Variants in NCAM2 observed in about 807,000 individuals in gnomAD.
NCAM2 encodes N-CAM-2.
In NCAM2, 30 loss-of-function variants were observed where a neutral mutation model predicts 98.1. That is an observed-to-expected ratio of 0.31 (90% CI 0.23 to 0.41). The LOEUF is 0.41. Among genes scored for constraint, NCAM2 ranks in the 10% least tolerant of loss-of-function variants. NCAM2 has a pLI of 1.00. For synonymous variants in NCAM2, 368 were observed against 342.4 expected (o/e 1.07, Z -0.83); for missense variants, 867 against 1,005.8 (o/e 0.86, Z 1.87).
chr21:21,472,686 A>G (rs942842346), intron 14 of NCAM2, among the ~76,000 whole-genome samples: 10 of 151,918 alleles, frequency 6.6e-5, no homozygotes, highest in African/African-American at 2.2e-4. Context: ...ATGAGAAATA[A>G]GAAACACAAG....
At chr21:21,408,287 G>A (rs951003827) in intron 9 of NCAM2, among the ~76,000 whole-genome samples, 4 of 152,256 alleles carry the variant, frequency 2.6e-5, no homozygotes, top group South Asian at 2.1e-4. Context: ...GGTATATGCC[G>A]AGCTAATGGA....
At chr21:21,437,807 T>A (rs908340098) in intron 12 of NCAM2, among the ~76,000 whole-genome samples, 4 of 152,136 alleles carry the variant, frequency 2.6e-5, no homozygotes, top group African/African-American at 9.7e-5. Context: ...GAAAAGATTT[T>A]CGAAAATGAT....
At chr21:21,337,382 G>A (rs34645350) in intron 7 of NCAM2, among the ~76,000 whole-genome samples, 26,006 of 151,958 alleles carry the variant, frequency 0.17, 2,592 homozygotes, top group East Asian at 0.25. Context: ...ACACAAAATT[G>A]TATGCATATT....
intron 10 of NCAM2, among the ~76,000 whole-genome samples, chr21:21,414,266 C>T (rs1347490720): frequency 6.6e-6 from 1 of 152,130 alleles, no homozygotes; most frequent in East Asian, 1.9e-4. Context: ...TCAAAGTCAT[C>T]CATGAGGGTT....
chr21:21,206,374 T>C (rs892895946), intron 1 of NCAM2, among the ~76,000 whole-genome samples: 1 of 152,146 alleles, frequency 6.6e-6, no homozygotes, highest in Non-Finnish European at 1.5e-5. Flanking sequence ...TTATTTAAAT[T>C]AGTTGTGTAT....
chr21:21,087,085 T>C (rs2065920613), intron 1 of NCAM2, among the ~76,000 whole-genome samples: 3 of 151,996 alleles, frequency 2.0e-5, no homozygotes, highest in African/African-American at 7.3e-5. Flanking sequence ...TGTGCGTGTG[T>C]GTGTGTGTGT....
rs1423156929 is a variant in NCAM2, at chr21:21,542,224, T to C, written c.*4267T>C. 6.6e-6 allele frequency: 1 copy of C among 151,804 alleles called. No individual in the cohort carries two copies. The highest frequency in any genetic ancestry group is 2.4e-5 in the African/African-American group (1 of 41,414). 9.4% of individuals were successfully genotyped at this position (151,804 alleles called of 1,614,324 possible). ...TTTTCTTCCAGCTCCCATCCTTCCTTTTTGAAAAATTGAATTTACCCATGT... is the reference window on the plus strand; with the variant it reads ...TTTTCTTCCAGCTCCCATCCTTCCTCTTTGAAAAATTGAATTTACCCATGT... On this transcript the variant is annotated 3_prime_UTR_variant, in exon 18 of 18. Transcript: ENST00000400546.
At chr21:21,095,489 T>A (rs537490708) in intron 1 of NCAM2, among the ~76,000 whole-genome samples, 10 of 149,130 alleles carry the variant, frequency 6.7e-5, no homozygotes, top group African/African-American at 2.2e-4. Flanking sequence ...TTTACCTTTT[T>A]AAAAAAAAAA....
chr21:21,425,150 C>T (rs1408623478), intron 11 of NCAM2, among the ~76,000 whole-genome samples: 48 of 147,392 alleles, frequency 3.3e-4, no homozygotes, highest in Admixed American at 3.2e-3. Flanking sequence ...ATTCATGTAT[C>T]TTAGAAAATT....
intron 1 of NCAM2, among the ~76,000 whole-genome samples, chr21:21,059,871 G>A (rs2065287019): frequency 2.6e-5 from 4 of 152,054 alleles, no homozygotes; most frequent in Admixed American, 2.6e-4. Flanking sequence ...CCTCAACGAA[G>A]TGCAAAATAT....
In NCAM2 at chr21:21,291,958, A is replaced by AT. The variant is rs2073313513; in HGVS notation, c.482-142dup. ...GGAAAAATTGAAGTCATGAAATTACATTTTACTTTCAAATTTGAATTTGTT... is the reference window on the plus strand; with the variant it reads ...GGAAAAATTGAAGTCATGAAATTACATTTTTACTTTCAAATTTGAATTTGTT... On this transcript the variant is annotated intron_variant, in intron 4 of 17. Coordinates refer to ENST00000400546, the MANE Select transcript of NCAM2 (RefSeq NM_004540.5). 4 of 670,374 alleles carry AT rather than the reference A, an allele frequency of 6.0e-6. No individual in the cohort carries two copies. In the South Asian group the frequency reaches 1.5e-4, roughly 25 times the overall value. 41.5% of individuals were successfully genotyped at this position (670,374 alleles called of 1,614,324 possible).
chr21:21,355,328 G>A (rs62207729), intron 8 of NCAM2, among the ~76,000 whole-genome samples: 6 of 151,220 alleles, frequency 4.0e-5, no homozygotes, highest in South Asian at 2.1e-4. Context: ...CCAGCTACTC[G>A]GGACGGGGCC....
chr21:21,297,690 A>T (rs1601900580), intron 5 of NCAM2, among the ~76,000 whole-genome samples: 1 of 151,644 alleles, frequency 6.6e-6, no homozygotes, highest in African/African-American at 2.4e-5. Context: ...TTCTCCCACC[A>T]TCTGATTCCT....
chr21:21,118,097 C>T (rs2066600014), intron 1 of NCAM2, among the ~76,000 whole-genome samples: 1 of 152,132 alleles, frequency 6.6e-6, no homozygotes, highest in African/African-American at 2.4e-5. Context: ...GTTAAATGTT[C>T]ACTTGCTCAA....
At chr21:21,389,120 G>A (rs906824406) in intron 9 of NCAM2, among the ~76,000 whole-genome samples, 1 of 152,168 alleles carries the variant, frequency 6.6e-6, no homozygotes, top group African/African-American at 2.4e-5. Context: ...CCGTAGACTG[G>A]TCATTTATAA....
At position 21,379,153 on chromosome 21, in the gene NCAM2, G is replaced by C. The variant is rs538155507; in HGVS notation, c.1195+5140G>C. On this transcript the variant is annotated intron_variant, in intron 9 of 17. Coordinates refer to ENST00000400546, the MANE Select transcript of NCAM2 (RefSeq NM_004540.5). ...TGATCAAGCACTAGTTAATAGAAAG[G>C]ACTTTTCTTTTTCTAGCTAAGAGTT... Among the ~76,000 whole-genome samples the C allele has an allele frequency of 3.9e-5, 6 of 152,028 alleles. No homozygotes were observed. In the South Asian group the frequency reaches 1.2e-3, roughly 32 times the overall value.
intron 1 of NCAM2, among the ~76,000 whole-genome samples, chr21:21,278,986 T>C (rs1330980688): frequency 6.6e-6 from 1 of 152,162 alleles, no homozygotes; most frequent in Non-Finnish European, 1.5e-5. Flanking sequence ...TTTCACCATG[T>C]GTTTTATAAT....
intron 1 of NCAM2, among the ~76,000 whole-genome samples, chr21:21,050,378 T>C (rs2065083920): frequency 6.6e-6 from 1 of 152,156 alleles, no homozygotes. Context: ...TTGGGGATGG[T>C]TTATGAGTGT....
At chr21:21,125,657 GAT>G (rs1438590812) in intron 1 of NCAM2, among the ~76,000 whole-genome samples, 12 of 132,402 alleles carry the variant, frequency 9.1e-5, no homozygotes, top group African/African-American at 1.9e-4. Context: ...TATATGTAGA[GAT>G]ATATATATCT....
Sources: gnomAD v4.1 joint callset for allele counts (sites outside exome capture counted in the v4.1 genomes callset) on GRCh38, gnomAD v4.1.1 for gene constraint, MANE v1.5 for transcripts, NCBI Gene and HGNC (gene_info 2026-07-23, HGNC 2026-07-21) for gene names.